The following ATP8A1 variants were observed in gnomAD, a reference collection of about 807,000 sequenced individuals.
ATP8A1 encodes ATPase phospholipid transporting 8A1.
In ATP8A1, 90 loss-of-function variants were observed where a neutral mutation model predicts 177.7. That is an observed-to-expected ratio of 0.51 (90% confidence interval 0.43 to 0.60). The LOEUF is 0.60. Among genes scored for constraint, ATP8A1 ranks in the 20% least tolerant of loss-of-function variants. The pLI is 0.00. For synonymous variants in ATP8A1, 493 were observed against 485.9 expected, an observed-to-expected ratio of 1.01 and a Z score of -0.19; for missense variants, 1,072 against 1,392.8, an observed-to-expected ratio of 0.77 and a Z score of 3.67.
At chr4:42,605,566 A>G (rs944735969) in intron 5 of ATP8A1, among the ~76,000 whole-genome samples, 20 of 152,350 alleles carry the variant, frequency 1.3e-4, no homozygotes, top group Middle Eastern at 3.4e-3. Flanking sequence ...AGTGGCACTT[A>G]CATGGAAAAC....
chr4:42,449,924 A>G (rs991775863), intron 30 of ATP8A1, among the ~76,000 whole-genome samples: 4 of 152,208 alleles, frequency 2.6e-5, no homozygotes, highest in African/African-American at 7.2e-5. Context: ...TTGATATTCA[A>G]TTTCTTTTTT....
At chr4:42,531,698 A>G (rs1727276708) in intron 20 of ATP8A1, among the ~76,000 whole-genome samples, 1 of 152,238 alleles carries the variant, frequency 6.6e-6, no homozygotes, top group African/African-American at 2.4e-5. Context: ...TTAAATTTTA[A>G]TAAATGAATT....
intron 33 of ATP8A1, among the ~76,000 whole-genome samples, chr4:42,428,422 C>A (rs1714874637): frequency 6.6e-6 from 1 of 152,208 alleles, no homozygotes. Context: ...AAGACAGAAA[C>A]CTGGGCCCTA....
rs770433571 is a variant in ATP8A1 at position 42,422,873 on chromosome 4, A to C, written c.3239T>G (p.Leu1080Trp). ...KVIKRTAFKT[L>W]VDEVQELEAK... ...CTCCAGCTCCTGAACTTCATCGACC[A>C]ATGTTTTAAAAGCAGTCCTCTTGAT... Residue 1080 changes from leucine (L) to tryptophan (W), a missense_variant, in exon 35 of 37, where the codon TTG becomes TGG. This residue lies in a region of ATP8A1 where 316 missense variants were observed against 459.1 expected (regional missense o/e 0.69). Coordinates refer to ENST00000381668, the MANE Select transcript of ATP8A1 (RefSeq NM_006095.2). 4 of 1,612,606 alleles carry C rather than the reference A, an allele frequency of 2.5e-6. No homozygotes were observed. In the South Asian group the frequency reaches 4.4e-5, roughly 18 times the overall value.
intron 5 of ATP8A1, among the ~76,000 whole-genome samples, chr4:42,610,757 C>G (rs1230989718): frequency 2.0e-5 from 3 of 152,060 alleles, no homozygotes; most frequent in African/African-American, 7.2e-5. Flanking sequence ...TTATAGATGT[C>G]TGAAATTACT....
At chr4:42,573,935 A>G (rs978178829) in intron 14 of ATP8A1, among the ~76,000 whole-genome samples, 1 of 152,088 alleles carries the variant, frequency 6.6e-6, no homozygotes, top group African/African-American at 2.4e-5. Flanking sequence ...AGAGTGTTTC[A>G]CCTTTTGATG....
At chr4:42,469,283 A>G (rs6848151) in intron 25 of ATP8A1, among the ~76,000 whole-genome samples, 144,147 of 152,212 alleles carry the variant, frequency 0.95, 68,720 homozygotes, top group Non-Finnish European at 1. Context: ...AGGAATAAAC[A>G]TACTAGGGAA....
Position 42,549,079 on chromosome 4 carries a change from T to C in ATP8A1, c.1603-17A>G. On this transcript the variant is annotated splice_polypyrimidine_tract_variant and intron_variant, in intron 18 of 36. Transcript: ENST00000381668. ...CTGCCCCAGCTAAGAAGAAAAGGAATATATAATTACATACAGTTGGAAAAG... is the reference window on the plus strand; with the variant it reads ...CTGCCCCAGCTAAGAAGAAAAGGAACATATAATTACATACAGTTGGAAAAG... 1.3e-6 allele frequency: 2 copies of C among 1,593,906 alleles called. No individual in the cohort carries two copies. The highest frequency in any genetic ancestry group is 1.7e-6 in the Non-Finnish European group (2 of 1,163,836).
chr4:42,414,061 A>G (rs1282323824), intron 36 of ATP8A1, among the ~76,000 whole-genome samples: 1 of 149,358 alleles, frequency 6.7e-6, no homozygotes, highest in Non-Finnish European at 1.5e-5. Context: ...ATTAGACATG[A>G]GTATACGTAA....
rs1017502860 is a variant in ATP8A1 at position 42,548,567 on chromosome 4, C to T, written c.1652+446G>A. 5.3e-5 allele frequency among the ~76,000 whole-genome samples: 8 copies of T among 152,150 alleles called. No homozygotes were observed. In the South Asian group the frequency reaches 8.3e-4, roughly 16 times the overall value. The stretch of plus-strand genomic sequence containing the variant: ...TGTCTGGGAACATTTTAAGTCCTCT[C>T]TTCTAGTATTTTGAAATACACAACA... On this transcript the variant is annotated intron_variant, in intron 19 of 36. Transcript: ENST00000381668.
At chr4:42,536,558 C>G (rs1334597513) in intron 20 of ATP8A1, among the ~76,000 whole-genome samples, 1 of 152,142 alleles carries the variant, frequency 6.6e-6, no homozygotes, top group Admixed American at 6.5e-5. Flanking sequence ...TGACACTATT[C>G]CAAAAGACAG....
Position 42,574,754 on chromosome 4 carries a change from C to G in ATP8A1, c.1207-47G>C, listed in dbSNP as rs960788151. ...CATTAATATTTTGAAAGTCTTTATG[C>G]CACTCTTTTACAGAGAAACCCCTCA... On this transcript the variant is annotated intron_variant, in intron 13 of 36. Coordinates refer to ENST00000381668, the MANE Select transcript of ATP8A1 (RefSeq NM_006095.2). The G allele has an allele frequency of 3.7e-6, 5 of 1,355,374 alleles. No individual in the cohort carries two copies. In the African/African-American group the frequency reaches 7.4e-5, roughly 20 times the overall value. 84.0% of individuals were successfully genotyped at this position (1,355,374 alleles called of 1,614,324 possible).
In ATP8A1 at chr4:42,443,734, T is replaced by C. The variant is rs924859230; in HGVS notation, c.3016-62A>G. ...TGTAGACCGAGTACACAAATACTAA[T>C]GAAACTCTCTCAAATTCCCTTATTA... On this transcript the variant is annotated intron_variant, in intron 32 of 36. Coordinates refer to ENST00000381668, the MANE Select transcript of ATP8A1 (RefSeq NM_006095.2). The C allele has an allele frequency of 6.9e-5, 52 of 757,010 alleles. 1 individual carries two copies. The highest frequency in any genetic ancestry group is 2.6e-4 in the Admixed American group (13 of 49,870). The allele number at this position is 757,010 out of a possible 1,614,324, so 46.9% of individuals were successfully genotyped here. A position where few individuals can be genotyped will look rare whatever the true frequency, so the allele number is the denominator to read the frequency against.
At chr4:42,634,081 T>C (rs747168007) in intron 1 of ATP8A1, among the ~76,000 whole-genome samples, 1 of 152,164 alleles carries the variant, frequency 6.6e-6, no homozygotes, top group Non-Finnish European at 1.5e-5. Flanking sequence ...CAGGTTTAAG[T>C]AGAAAGACCA....
At chr4:42,551,846 T>G (rs1244454687) in intron 17 of ATP8A1, among the ~76,000 whole-genome samples, 1 of 152,178 alleles carries the variant, frequency 6.6e-6, no homozygotes, top group Non-Finnish European at 1.5e-5. Context: ...CTTATGCTTT[T>G]AAGGAAGTTA....
intron 5 of ATP8A1, among the ~76,000 whole-genome samples, chr4:42,613,593 CT>C (rs575341588): frequency 6.6e-6 from 1 of 151,092 alleles, no homozygotes; most frequent in African/African-American, 2.4e-5. Flanking sequence ...CATTGTTTTT[CT>C]TTTTTTTAAG....
At chr4:42,556,927 C>T (rs1730299816) in intron 15 of ATP8A1, among the ~76,000 whole-genome samples, 1 of 152,262 alleles carries the variant, frequency 6.6e-6, no homozygotes, top group Middle Eastern at 3.4e-3. Flanking sequence ...TTGATCACAA[C>T]ATTAACAGGT....
chr4:42,636,156 A>ACGCGCGTGCGCGCGCG (rs1553920759), intron 1 of ATP8A1, among the ~76,000 whole-genome samples: 1,513 of 90,926 alleles, frequency 0.017, 24 homozygotes, highest in East Asian at 0.056. Flanking sequence ...ACACACACAC[A>ACGCGCGTGCGCGCGCG]CGCACACACA....
chr4:42,477,472 T>A (rs1721191262), intron 25 of ATP8A1, among the ~76,000 whole-genome samples: 1 of 152,088 alleles, frequency 6.6e-6, no homozygotes, highest in Non-Finnish European at 1.5e-5. Flanking sequence ...AGCCAAGCAA[T>A]CCCATACCCA....
Sources: allele counts gnomAD v4.1 joint callset (sites outside exome capture counted in the v4.1 genomes callset), GRCh38; gene constraint gnomAD v4.1.1; regional missense constraint gnomAD v4.1.1; transcripts MANE v1.5; gene names NCBI Gene and HGNC (gene_info 2026-07-23, HGNC 2026-07-21).